Variants in CDH2 observed in about 807,000 individuals in gnomAD.
CDH2 encodes the protein cadherin-2.
Under a neutral mutation model 92.0 loss-of-function variants are expected in CDH2, and 17 were observed. The ratio of observed to expected loss-of-function variants is 0.18; its 90% CI spans 0.13 to 0.28. The LOEUF (loss-of-function observed/expected upper bound fraction) is 0.28, where lower values mean the gene tolerates loss of function less well. CDH2 is among the 10% of genes least tolerant of loss of function. The pLI, the probability that CDH2 is intolerant of heterozygous loss-of-function variation, is 1.00. For synonymous variants in CDH2, 419 were observed against 415.9 expected (o/e 1.01, Z -0.09); for missense variants, 862 against 1,133.1 (o/e 0.76, Z 3.44).
chr18:28,121,517 C>T (rs2144272413), intron 2 of CDH2, among the ~76,000 whole-genome samples: 1 of 152,242 alleles, frequency 6.6e-6, no homozygotes, highest in Middle Eastern at 3.4e-3. Flanking sequence ...TCTCTATATT[C>T]TGCACCAACT....
intron 6 of CDH2, among the ~76,000 whole-genome samples, chr18:27,936,835 C>A (rs1460757742): frequency 6.6e-6 from 1 of 152,022 alleles, no homozygotes; most frequent in Non-Finnish European, 1.5e-5. Flanking sequence ...CACTGTGCCG[C>A]CCCTCTCCTC....
intron 1 of CDH2, among the ~76,000 whole-genome samples, chr18:28,154,333 T>C (rs1181294426): frequency 1.3e-5 from 2 of 152,222 alleles, no homozygotes; most frequent in African/African-American, 4.8e-5. Flanking sequence ...CAACAAGCCC[T>C]CTCGGCCCAC....
chr18:28,128,300 C>T (rs1438561757), intron 2 of CDH2, among the ~76,000 whole-genome samples: 1 of 152,164 alleles, frequency 6.6e-6, no homozygotes, highest in Non-Finnish European at 1.5e-5. Context: ...GTCACAGATT[C>T]TGCATCAATA....
intron 2 of CDH2, among the ~76,000 whole-genome samples, chr18:28,087,500 G>A (rs558110893): frequency 7.7e-4 from 117 of 152,126 alleles, no homozygotes; most frequent in African/African-American, 2.6e-3. Context: ...CACTGGCATC[G>A]TGCCGTCCTG....
chr18:28,020,063 A>G (rs1052042749), intron 2 of CDH2, among the ~76,000 whole-genome samples: 1 of 152,102 alleles, frequency 6.6e-6, no homozygotes, highest in African/African-American at 2.4e-5. Context: ...ATTTCAATGG[A>G]TAACATGTGA....
At chr18:28,172,517 A>T (rs2016480232) in intron 1 of CDH2, among the ~76,000 whole-genome samples, 1 of 152,208 alleles carries the variant, frequency 6.6e-6, no homozygotes, top group African/African-American at 2.4e-5. Flanking sequence ...ATAAAATTTT[A>T]GTAGAAAAAA....
chr18:28,003,141 A>G lies in CDH2; in HGVS notation c.876T>C (p.Ile292=). The change falls in exon 7 of 16, where the codon ATT becomes ATC. Residue 292 remains isoleucine (I), a synonymous_variant. Coordinates refer to ENST00000269141, the MANE Select transcript of CDH2 (RefSeq NM_001792.5). ...PGTYVMTVTA[I]DADDPNALNG... ...TGAGGGCATTGGGATCGTCAGCATC[A>G]ATTGCTGTTACGGTCATCACATATG... 1 of 1,614,012 alleles carries G rather than the reference A, an allele frequency of 6.2e-7. No individual in the cohort carries two copies. Among genetic ancestry groups the G allele is most frequent in the South Asian group, 1.1e-5 (1 of 91,076 alleles).
chr18:28,123,088 A>G (rs372566150), intron 2 of CDH2, among the ~76,000 whole-genome samples: 1 of 152,252 alleles, frequency 6.6e-6, no homozygotes, highest in East Asian at 1.9e-4. Flanking sequence ...GCCTATCTTG[A>G]TACAAGTGTT....
At chr18:27,980,521 T>C (rs867842356) in intron 14 of CDH2, among the ~76,000 whole-genome samples, 7 of 152,138 alleles carry the variant, frequency 4.6e-5, no homozygotes, top group Non-Finnish European at 1.0e-4. Context: ...TATTCTGTTA[T>C]GAGGTTAAAA....
chr18:28,155,231 C>G (rs1319796586), intron 1 of CDH2, among the ~76,000 whole-genome samples: 1 of 152,102 alleles, frequency 6.6e-6, no homozygotes, highest in Admixed American at 6.6e-5. Context: ...GTGACCTTGG[C>G]AAGCCATGTA....
Position 28,168,940 on chromosome 18 carries a change from A to G in CDH2, c.60+8023T>C, listed in dbSNP as rs181248234. On this transcript the variant is annotated intron_variant, in intron 1 of 15. Coordinates refer to ENST00000269141, the MANE Select transcript of CDH2 (RefSeq NM_001792.5). The stretch of plus-strand genomic sequence containing the variant: ...GAGAAACCCGTATGCTTTGTAGTCA[A>G]GCCCAACTTGAATATGACAAATATG... Among the ~76,000 whole-genome samples, 226 of 152,254 alleles carry G rather than the reference A, an allele frequency of 1.5e-3. 2 individuals are homozygous for G. Among genetic ancestry groups the G allele is most frequent in the African/African-American group, 4.1e-3 (171 of 41,556 alleles).
At chr18:28,120,321 C>T (rs1216914682) in intron 2 of CDH2, among the ~76,000 whole-genome samples, 1 of 151,986 alleles carries the variant, frequency 6.6e-6, no homozygotes, top group African/African-American at 2.4e-5. Context: ...CATATCATTT[C>T]ATCATGCTGA....
At chr18:28,140,516 T>G (rs906127235) in intron 2 of CDH2, among the ~76,000 whole-genome samples, 6 of 151,792 alleles carry the variant, frequency 4.0e-5, no homozygotes, top group African/African-American at 1.5e-4. Flanking sequence ...TTAGTGCCCT[T>G]ACAGAAGAGG....
intron 1 of CDH2, among the ~76,000 whole-genome samples, chr18:28,176,547 G>A (rs1364141174): frequency 6.6e-6 from 1 of 152,084 alleles, no homozygotes; most frequent in African/African-American, 2.4e-5. Context: ...CTGTAAACTC[G>A]CGACCCATCC....
chr18:27,994,127 G>T (rs888660505), intron 7 of CDH2, among the ~76,000 whole-genome samples: 3 of 152,054 alleles, frequency 2.0e-5, no homozygotes, highest in Non-Finnish European at 4.4e-5. Flanking sequence ...ATTATTACAG[G>T]GTAGATGCAA....
chr18:27,963,758 A>G, intron 14 of CDH2: 1 of 473,534 alleles, frequency 2.1e-6, no homozygotes, highest in Non-Finnish European at 3.8e-6. Context: ...GTTCCTCATC[A>G]GTTTCCAATG....
chr18:28,048,543 G>A (rs1028374468), intron 2 of CDH2, among the ~76,000 whole-genome samples: 5 of 152,154 alleles, frequency 3.3e-5, no homozygotes, highest in East Asian at 1.9e-4. Flanking sequence ...TGCTCCCAAA[G>A]CATACAAAGT....
At chr18:28,172,639 T>C (rs2016481937) in intron 1 of CDH2, among the ~76,000 whole-genome samples, 1 of 152,202 alleles carries the variant, frequency 6.6e-6, no homozygotes, top group African/African-American at 2.4e-5. Context: ...AGCGAAATAC[T>C]TATTCAGATG....
chr18:28,168,391 A>G (rs1051608019), intron 1 of CDH2, among the ~76,000 whole-genome samples: 6 of 152,144 alleles, frequency 3.9e-5, no homozygotes, highest in Admixed American at 3.9e-4. Context: ...AAAGTAATGC[A>G]AAGTGTTCAA....
Sources: gnomAD v4.1 joint callset for allele counts (sites outside exome capture counted in the v4.1 genomes callset) on GRCh38, gnomAD v4.1.1 for gene constraint, MANE v1.5 for transcripts, NCBI Gene and HGNC (gene_info 2026-07-23, HGNC 2026-07-21) for gene names.